FER: variants seen among roughly 807,000 people sequenced by gnomAD.
FER encodes FER tyrosine kinase.
Under a neutral mutation model 111.0 loss-of-function variants are expected in FER, and 63 were observed. The ratio of observed to expected loss-of-function variants is 0.57; its 90% CI spans 0.46 to 0.70. The LOEUF (loss-of-function observed/expected upper bound fraction) is 0.70, where lower values mean the gene tolerates loss of function less well. FER is among the 30% of genes least tolerant of loss of function. FER has a pLI of 0.00. For synonymous variants in FER, 327 were observed against 313.9 expected (o/e 1.04, Z -0.44); for missense variants, 914 against 954.0 (o/e 0.96, Z 0.55).
chr5:109,058,821 C>G (rs1424488047), intron 16 of FER, among the ~76,000 whole-genome samples: 1 of 149,154 alleles, frequency 6.7e-6, no homozygotes, highest in Non-Finnish European at 1.5e-5. Flanking sequence ...CAACCTCCGC[C>G]TTCTGGGTTC....
intron 3 of FER, among the ~76,000 whole-genome samples, chr5:108,831,416 C>T (rs760880771): frequency 1.2e-4 from 18 of 151,680 alleles, no homozygotes; most frequent in Admixed American, 3.3e-4. Flanking sequence ...TAGTTTTATA[C>T]TGTTTGCATC....
At chr5:109,021,760 T>C (rs1767958420) in intron 13 of FER, among the ~76,000 whole-genome samples, 1 of 152,118 alleles carries the variant, frequency 6.6e-6, no homozygotes, top group African/African-American at 2.4e-5. Context: ...TTTCTTAGAT[T>C]TGATAGATAT....
intron 1 of FER, among the ~76,000 whole-genome samples, chr5:108,756,204 A>G (rs951292050): frequency 6.6e-6 from 1 of 151,490 alleles, no homozygotes; most frequent in Admixed American, 6.6e-5. Context: ...AAAAGAAAAT[A>G]TACAGTGTCT....
chr5:108,947,426 T>C (rs950277121), intron 11 of FER, among the ~76,000 whole-genome samples: 1 of 152,104 alleles, frequency 6.6e-6, no homozygotes, highest in East Asian at 1.9e-4. Context: ...ACTGTAGTTT[T>C]AATTTCCATT....
At chr5:108,816,505 G>GT (rs1758296195) in intron 3 of FER, among the ~76,000 whole-genome samples, 1 of 152,124 alleles carries the variant, frequency 6.6e-6, no homozygotes, top group Non-Finnish European at 1.5e-5. Context: ...GCTTCTTAAC[G>GT]TTTAATATGT....
rs117090425 is a variant in FER at position 108,749,915 on chromosome 5, G to T, written c.-206+1915G>T. Reference sequence around the variant, plus strand: ...GTACTATGAGGTGGGCACTTTGTACGTTTGCGATTTTGCCATCCACTGTAG... The same window carrying T: ...GTACTATGAGGTGGGCACTTTGTACTTTTGCGATTTTGCCATCCACTGTAG... On this transcript the variant is annotated intron_variant, in intron 1 of 19. Coordinates refer to ENST00000281092, the MANE Select transcript of FER (RefSeq NM_005246.4). 4.7e-4 allele frequency among the ~76,000 whole-genome samples: 72 copies of T among 152,314 alleles called. 1 individual carries two copies. In the East Asian group the frequency reaches 0.013, roughly 27 times the overall value.
chr5:108,894,554 A>G (rs1748748611), intron 9 of FER: 2 of 408,326 alleles, frequency 4.9e-6, no homozygotes, highest in Non-Finnish European at 9.6e-6. Context: ...GGAGGGTTCC[A>G]CAGATGCTCA....
intron 9 of FER, among the ~76,000 whole-genome samples, chr5:108,885,423 T>C (rs13172249): frequency 4.6e-5 from 7 of 151,958 alleles, no homozygotes; most frequent in Non-Finnish European, 1.0e-4. Context: ...TAAATTTTTG[T>C]CTGGGTCTGT....
chr5:109,057,568 AGCCT>A (rs1773808323), intron 16 of FER, among the ~76,000 whole-genome samples: 1 of 152,190 alleles, frequency 6.6e-6, no homozygotes, highest in Admixed American at 6.5e-5. Context: ...AGCTCACTGT[AGCCT>A]TGCTCCTGGC....
intron 13 of FER, among the ~76,000 whole-genome samples, chr5:109,006,318 T>C (rs1765488287): frequency 6.6e-6 from 1 of 152,186 alleles, no homozygotes; most frequent in African/African-American, 2.4e-5. Flanking sequence ...TAATGAATCA[T>C]GGGGGCGAGT....
chr5:109,045,020 T>G (rs897871014), intron 15 of FER, among the ~76,000 whole-genome samples: 1 of 152,062 alleles, frequency 6.6e-6, no homozygotes, highest in Admixed American at 6.6e-5. Context: ...CTTAAAATGT[T>G]AAGATATTTT....
intron 13 of FER, among the ~76,000 whole-genome samples, chr5:109,012,423 C>G (rs576817753): frequency 6.6e-6 from 1 of 152,122 alleles, no homozygotes; most frequent in African/African-American, 2.4e-5. Context: ...GTTTTATGTA[C>G]GTATTTTGAG....
At chr5:108,767,829 A>G (rs190125795) in intron 1 of FER, among the ~76,000 whole-genome samples, 13 of 152,356 alleles carry the variant, frequency 8.5e-5, no homozygotes, top group Admixed American at 3.9e-4. Context: ...GGAGAAAAAC[A>G]TGAATTACCT....
intron 3 of FER, among the ~76,000 whole-genome samples, chr5:108,813,104 T>C (rs62363280): frequency 0.23 from 34,750 of 152,022 alleles, 4,156 homozygotes; most frequent in African/African-American, 0.28. Context: ...TGCAAGTCTA[T>C]TGAAAAAAAT....
chr5:109,127,659 C>T (rs1561930449), intron 17 of FER, among the ~76,000 whole-genome samples: 1 of 152,096 alleles, frequency 6.6e-6, no homozygotes, highest in African/African-American at 2.4e-5. Flanking sequence ...CCGGCCATGG[C>T]CTCCCAAAGT....
chr5:109,028,239 A>T (rs1769060377), intron 13 of FER, among the ~76,000 whole-genome samples: 1 of 152,230 alleles, frequency 6.6e-6, no homozygotes, highest in South Asian at 2.1e-4. Context: ...AAAACTGTGA[A>T]TGTGCAAAAT....
intron 14 of FER, among the ~76,000 whole-genome samples, chr5:109,041,711 A>G (rs949847625): frequency 6.6e-6 from 1 of 152,228 alleles, no homozygotes; most frequent in Non-Finnish European, 1.5e-5. Flanking sequence ...CAGTTACCCA[A>G]CAGCTCAAAT....
At chr5:108,994,006 G>A (rs116080406) in intron 13 of FER, among the ~76,000 whole-genome samples, 7,088 of 152,074 alleles carry the variant, frequency 0.047, 267 homozygotes, top group South Asian at 0.11. Flanking sequence ...TAAGTTCCTT[G>A]TAGGTTCTAG....
intron 17 of FER, among the ~76,000 whole-genome samples, chr5:109,152,946 A>G (rs1561963322): frequency 6.6e-6 from 1 of 152,006 alleles, no homozygotes; most frequent in Non-Finnish European, 1.5e-5. Flanking sequence ...ATAGATTAAC[A>G]GTGGATTAAC....
Sources: allele counts gnomAD v4.1 joint callset (sites outside exome capture counted in the v4.1 genomes callset), GRCh38; gene constraint gnomAD v4.1.1; transcripts MANE v1.5; gene names NCBI Gene and HGNC (gene_info 2026-07-23, HGNC 2026-07-21).